GOLGB1: variants seen among roughly 807,000 people sequenced by gnomAD.
GOLGB1 encodes the protein golgin B1, also known as golgin subfamily B member 1.
Under a neutral mutation model 336.9 loss-of-function variants are expected in GOLGB1, and 174 were observed. That is an observed-to-expected ratio of 0.52 (90% CI 0.46 to 0.59). The LOEUF (loss-of-function observed/expected upper bound fraction) is 0.59, where lower values mean the gene tolerates loss of function less well. Among genes scored for constraint, GOLGB1 ranks in the 20% least tolerant of loss-of-function variants. The pLI is 0.00. For missense variants in GOLGB1, 3,331 were observed against 3,645.3 expected (o/e 0.91, Z 2.22); for synonymous variants, 1,208 against 1,289.2 (o/e 0.94, Z 1.35).
intron 10 of GOLGB1, among the ~76,000 whole-genome samples, chr3:121,710,998 G>C (rs1944321972): frequency 6.6e-6 from 1 of 152,112 alleles, no homozygotes; most frequent in African/African-American, 2.4e-5. Flanking sequence ...TTTCAGACCA[G>C]CCTGGCCAAC....
At chr3:121,693,088 T>C (rs1942601919) in intron 13 of GOLGB1, among the ~76,000 whole-genome samples, 1 of 152,146 alleles carries the variant, frequency 6.6e-6, no homozygotes, top group South Asian at 2.1e-4. Flanking sequence ...GTATATGCAG[T>C]ATGAATTAAT....
intron 8 of GOLGB1, among the ~76,000 whole-genome samples, chr3:121,717,743 GTAAC>G (rs1944885317): frequency 6.6e-6 from 1 of 152,130 alleles, no homozygotes; most frequent in African/African-American, 2.4e-5. Flanking sequence ...ACAGAGAAGA[GTAAC>G]TGATGAAAAA....
Position 121,696,189 on chromosome 3 carries a change from T to C in GOLGB1, c.4334A>G (p.His1445Arg), listed in dbSNP as rs1942929120. The change falls in exon 13 of 22, where the codon CAT becomes CGT. Residue 1445 changes from histidine to arginine, a missense_variant. Transcript: ENST00000614479. ...IEQEDLIKAL[H>R]TQLEMQAKEH... is the part of the protein sequence containing the mutation. ...TTTGGCTTGCATTTCTAGCTGTGTA[T>C]GCAGAGCCTTAATTAAATCTTCTTG... is the stretch of plus-strand genomic sequence containing the variant. 1.9e-6 allele frequency: 3 copies of C among 1,614,106 alleles called. No homozygotes were observed. Among genetic ancestry groups the C allele is most frequent in the Non-Finnish European group, 1.7e-6 (2 of 1,179,964 alleles).
intron 10 of GOLGB1, among the ~76,000 whole-genome samples, chr3:121,708,422 A>T (rs2108008889): frequency 6.6e-6 from 1 of 152,220 alleles, no homozygotes; most frequent in Admixed American, 6.5e-5. Context: ...ACTTGAGCCC[A>T]GGAGTTAGTT....
intron 13 of GOLGB1, among the ~76,000 whole-genome samples, chr3:121,693,419 C>A (rs548400056): frequency 2.0e-5 from 3 of 152,244 alleles, no homozygotes; most frequent in East Asian, 3.9e-4. Context: ...ACCCAGGAGG[C>A]AGAGGTTGCA....
chr3:121,730,852 T>G, intron 2 of GOLGB1, 24 bp downstream of exon 2: 2 of 1,596,136 alleles, frequency 1.3e-6, no homozygotes, highest in Admixed American at 3.6e-5. Flanking sequence ...TCTTACCAGT[T>G]TAAATCAGAA....
At chr3:121,685,282 A>G (rs896440928) in intron 14 of GOLGB1, among the ~76,000 whole-genome samples, 2 of 152,172 alleles carry the variant, frequency 1.3e-5, no homozygotes, top group African/African-American at 4.8e-5. Context: ...CACGCCTGTA[A>G]TCCCAACACT....
intron 11 of GOLGB1, among the ~76,000 whole-genome samples, chr3:121,700,710 C>G: frequency 6.6e-6 from 1 of 151,980 alleles, no homozygotes; most frequent in African/African-American, 2.4e-5. Flanking sequence ...TTCATTCACA[C>G]CTGAGAACAT....
intron 20 of GOLGB1, among the ~76,000 whole-genome samples, chr3:121,665,713 C>A (rs1052073154): frequency 1.3e-5 from 2 of 152,184 alleles, no homozygotes. Flanking sequence ...GCATGTAACA[C>A]AGCACGTTTG....
At chr3:121,669,788 T>A (rs976646136) in intron 17 of GOLGB1, among the ~76,000 whole-genome samples, 1 of 152,164 alleles carries the variant, frequency 6.6e-6, no homozygotes, top group Non-Finnish European at 1.5e-5. Flanking sequence ...ATCTGTGCAA[T>A]AATATTCCTA....
At chr3:121,667,436 G>T in intron 20 of GOLGB1, 40 bp downstream of exon 20, 1 of 1,589,658 alleles carries the variant, frequency 6.3e-7, no homozygotes, top group Non-Finnish European at 8.6e-7. Flanking sequence ...TGATCAGAAA[G>T]GATCGGAAGG....
Position 121,729,962 on chromosome 3 carries a change from T to C in GOLGB1, c.152A>G (p.Gln51Arg). Residue 51 changes from glutamine to arginine, a missense_variant, in exon 3 of 22, where the codon CAG becomes CGG. Coordinates refer to ENST00000614479, the MANE Select transcript of GOLGB1 (RefSeq NM_001366282.2). ...TTGCTCTGCATAAGCCAGGCGCTCC[T>C]GAACATCTTCTTGTGTAGTATTATT... is the stretch of plus-strand genomic sequence containing the variant. ...EFNNTTQEDV[Q>R]ERLAYAEQLV... 1.2e-6 allele frequency: 2 copies of C among 1,610,014 alleles called. No individual in the cohort carries two copies. Among genetic ancestry groups the C allele is most frequent in the Admixed American group, 1.7e-5 (1 of 59,994 alleles).
At chr3:121,746,974 C>T (rs1032998833) in intron 1 of GOLGB1, among the ~76,000 whole-genome samples, 4 of 150,638 alleles carry the variant, frequency 2.7e-5, no homozygotes, top group Non-Finnish European at 5.9e-5. Flanking sequence ...ATTCTTTACT[C>T]GGGTTGAAAA....
At chr3:121,708,446 G>A (rs966128049) in intron 10 of GOLGB1, among the ~76,000 whole-genome samples, 12 of 151,990 alleles carry the variant, frequency 7.9e-5, no homozygotes, top group Admixed American at 7.2e-4. Flanking sequence ...GGCCAGCCTG[G>A]GCAACATAGT....
intron 10 of GOLGB1, among the ~76,000 whole-genome samples, chr3:121,702,957 C>G (rs1370961200): frequency 1.3e-5 from 2 of 152,048 alleles, no homozygotes; most frequent in Non-Finnish European, 2.9e-5. Context: ...TGGTCTCTCT[C>G]CTGAAGGAGA....
chr3:121,673,408 A>T (rs577754939), intron 17 of GOLGB1, among the ~76,000 whole-genome samples: 1 of 152,242 alleles, frequency 6.6e-6, no homozygotes, highest in South Asian at 2.1e-4. Flanking sequence ...TTGGCTAGTT[A>T]GGAGTTTTTG....
chr3:121,727,076 G>T (rs1945673400), intron 4 of GOLGB1, 35 bp from the exon 5 acceptor site: 4 of 1,257,156 alleles, frequency 3.2e-6, no homozygotes, highest in South Asian at 1.6e-5. Flanking sequence ...TTATTTAAAA[G>T]AATTACAATT....
At chr3:121,747,150 T>TTATATATA (rs548032779) in intron 1 of GOLGB1, among the ~76,000 whole-genome samples, 44 of 49,580 alleles carry the variant, frequency 8.9e-4, no homozygotes, top group African/African-American at 1.2e-3. Flanking sequence ...TACATGGATG[T>TTATATATA]TATATATATA....
At chr3:121,714,266 A>C (rs952683438) in intron 10 of GOLGB1, among the ~76,000 whole-genome samples, 1 of 152,240 alleles carries the variant, frequency 6.6e-6, no homozygotes, top group African/African-American at 2.4e-5. Flanking sequence ...TTAGTCAATT[A>C]AGAACATCAA....
Sources: allele counts gnomAD v4.1 joint callset (sites outside exome capture counted in the v4.1 genomes callset), GRCh38; gene constraint gnomAD v4.1.1; transcripts MANE v1.5; gene names NCBI Gene and HGNC (gene_info 2026-07-23, HGNC 2026-07-21).